IL36A: variants seen among roughly 807,000 people sequenced by gnomAD.
IL36A encodes the protein interleukin 36 alpha.
IL36A carries 13 observed loss-of-function variants against 12.7 expected under a neutral mutation model. The ratio of observed to expected loss-of-function variants is 1.02; its 90% CI spans 0.67 to 1.63. The LOEUF (loss-of-function observed/expected upper bound fraction) is 1.63. Among genes scored for constraint, IL36A ranks in the 40% most tolerant of loss-of-function variants. The pLI is 0.00. For synonymous variants in IL36A, 73 were observed against 71.9 expected, an observed-to-expected ratio of 1.01 and a Z score of -0.08; for missense variants, 195 against 192.9, an observed-to-expected ratio of 1.01 and a Z score of -0.07.
downstream of IL36A, chr2:113,008,165 A>G: frequency 1.2e-6 from 1 of 803,868 alleles, no homozygotes; most frequent in Non-Finnish European, 2.1e-6. Context: ...GCTGCCTCCC[A>G]ATATATTCAT....
downstream of IL36A, among the ~76,000 whole-genome samples, chr2:113,010,733 A>G (rs1442086271): frequency 6.6e-6 from 1 of 152,194 alleles, no homozygotes; most frequent in Non-Finnish European, 1.5e-5. Context: ...TATGGCTTAA[A>G]ATGAGATATA....
chr2:113,005,924 A>G (rs1343260615), intron 1 of IL36A, 43 bp downstream of exon 1: 1 of 1,613,000 alleles, frequency 6.2e-7, no homozygotes, highest in Non-Finnish European at 8.5e-7. Flanking sequence ...CAAGGGGGTG[A>G]TATTCTGTGC....
chr2:113,010,242 C>T (rs1684708435), downstream of IL36A, among the ~76,000 whole-genome samples: 1 of 152,220 alleles, frequency 6.6e-6, no homozygotes, highest in Admixed American at 6.5e-5. Flanking sequence ...CCAACCTCCT[C>T]ATCCCATCCT....
chr2:113,007,977 C>T lies in IL36A; in HGVS notation c.410C>T (p.Pro137Leu). Reference sequence around the variant, plus strand: ...GCTGTCAGCTCTGAAGGAGGCTGTCCTCTCATCCTTACCCAAGAACTGGGG... The same window carrying T: ...GCTGTCAGCTCTGAAGGAGGCTGTCTTCTCATCCTTACCCAAGAACTGGGG... ...FIAVSSEGGC[P>L]LILTQELGKA... Residue 137 changes from proline (P) to leucine (L), a missense_variant, in exon 4 of 4, where the codon CCT becomes CTT. Transcript: ENST00000259211. The T allele has an allele frequency of 6.2e-7, 1 of 1,614,234 alleles. No individual in the cohort carries two copies. Among genetic ancestry groups the T allele is most frequent in the Non-Finnish European group, 8.5e-7 (1 of 1,180,046 alleles).
At chr2:113,010,277 G>A (rs1257375985), downstream of IL36A, among the ~76,000 whole-genome samples, 1 of 152,216 alleles carries the variant, frequency 6.6e-6, no homozygotes, top group Admixed American at 6.5e-5. Context: ...TTCAGCATTT[G>A]AGTGACCACA....
At chr2:113,008,817 T>TA (rs781225712), downstream of IL36A, among the ~76,000 whole-genome samples, 17 of 124,784 alleles carry the variant, frequency 1.4e-4, no homozygotes, top group African/African-American at 3.9e-4. Flanking sequence ...TTTTTTTTTT[T>TA]AAAAATTTTA....
intron 3 of IL36A, among the ~76,000 whole-genome samples, chr2:113,007,219 G>C (rs745484368): frequency 6.6e-6 from 1 of 152,264 alleles, no homozygotes; most frequent in South Asian, 2.1e-4. Flanking sequence ...ACAAGCATAA[G>C]CAGACACTCA....
At chr2:113,008,883 A>G (rs529899424), downstream of IL36A, among the ~76,000 whole-genome samples, 279 of 151,372 alleles carry the variant, frequency 1.8e-3, 3 homozygotes, top group African/African-American at 6.2e-3. Flanking sequence ...GGTTGGTTAC[A>G]TATGCATACA....
intron 2 of IL36A, 147 bp downstream of exon 2, chr2:113,006,234 C>T (rs1303381505): frequency 1.5e-6 from 1 of 666,744 alleles, no homozygotes; most frequent in Non-Finnish European, 2.7e-6. Flanking sequence ...AGAGGGTGAG[C>T]ATAAGGTTGT....
Position 113,005,533 on chromosome 2 carries a change from G to GTGGC in IL36A, c.-338_-335dup. ...GGGTCCTTCGTAACAGATTATCAGT[G>GTGGC]TGGCCTATGCTGGAAAGTCTGGTGA... On this transcript the variant is annotated 5_prime_UTR_variant, in exon 1 of 4. Coordinates refer to ENST00000259211, the MANE Select transcript of IL36A (RefSeq NM_014440.3). 1 of 441,142 alleles carries GTGGC rather than the reference G, an allele frequency of 2.3e-6. No individual in the cohort carries two copies. Among genetic ancestry groups the GTGGC allele is most frequent in the East Asian group, 4.2e-5 (1 of 23,708 alleles). The allele number at this position is 441,142 out of a possible 1,614,324, so 27.3% of individuals were successfully genotyped here. A position where few individuals can be genotyped will look rare whatever the true frequency, so the allele number is the denominator to read the frequency against.
At position 113,007,855 on chromosome 2, in the gene IL36A, C is replaced by A. The variant is rs1684655970; in HGVS notation, c.288C>A (p.Tyr96Ter). Reference protein sequence around the residue: ...QLKEKDIMDLYNQPEPVKSFL... With the variant: ...QLKEKDIMDL ...AGGAAAAGGATATAATGGATTTGTA[C>A]AACCAACCCGAGCCTGTGAAGTCCT... is the stretch of plus-strand genomic sequence containing the variant. The change falls in exon 4 of 4, where the codon TAC (tyrosine) becomes TAA (stop). Residue 96 changes from tyrosine to a stop codon, truncating the protein, a stop_gained. Coordinates refer to ENST00000259211, the MANE Select transcript of IL36A (RefSeq NM_014440.3). LOFTEE classifies it low-confidence loss of function (END_TRUNC). The A allele has an allele frequency of 6.2e-7, 1 of 1,614,078 alleles. No individual in the cohort carries two copies. Among genetic ancestry groups the A allele is most frequent in the South Asian group, 1.1e-5 (1 of 91,080 alleles).
At chr2:113,006,486 C>T in intron 2 of IL36A, 112 bp from the exon 3 acceptor site, 1 of 1,184,188 alleles carries the variant, frequency 8.4e-7, no homozygotes, top group Non-Finnish European at 1.2e-6. Context: ...GTGAGGTGAC[C>T]ATTCTATGAG....
chr2:113,008,076 C>A, downstream of IL36A: 1 of 1,547,598 alleles, frequency 6.5e-7, no homozygotes, highest in African/African-American at 1.4e-5. Context: ...AGTCTCCATG[C>A]AGGGAAAATC....
chr2:113,007,452 TG>T, intron 3 of IL36A, among the ~76,000 whole-genome samples: 1 of 152,334 alleles, frequency 6.6e-6, no homozygotes, highest in East Asian at 1.9e-4. Context: ...TCAATAGTGC[TG>T]AAGGTGCAGA....
chr2:113,006,175 T>G (rs1684616961), intron 2 of IL36A, 88 bp downstream of exon 2: 1 of 834,794 alleles, frequency 1.2e-6, no homozygotes, highest in Non-Finnish European at 2.1e-6. Flanking sequence ...AGTGGGCTTG[T>G]TAACCGGGCA....
rs774759023 is a variant in IL36A at position 113,006,071 on chromosome 2, G to A, written c.108G>A (p.Lys36=). The A allele has an allele frequency of 1.2e-5, 19 of 1,612,062 alleles. No homozygotes were observed. The highest frequency in any genetic ancestry group is 5.0e-5 in the Admixed American group (3 of 60,020). The change falls in exon 2 of 4, where the codon AAG becomes AAA. Residue 36 remains lysine (K), a synonymous_variant. Transcript: ENST00000259211. ...QDQTLIAVPR[K]DRMSPVTIAL... The stretch of plus-strand genomic sequence containing the variant: ...AGACGCTCATAGCAGTCCCGAGGAA[G>A]GACCGTATGTCTCCAGGTGAGTAGC...
At chr2:113,010,879 C>G (rs1339543736), downstream of IL36A, among the ~76,000 whole-genome samples, 1 of 152,110 alleles carries the variant, frequency 6.6e-6, no homozygotes, top group African/African-American at 2.4e-5. Context: ...CTTCATTTCT[C>G]CTTCCCCCAG....
chr2:113,006,545 G>C, intron 2 of IL36A, 53 bp from the exon 3 acceptor site: 1 of 1,607,550 alleles, frequency 6.2e-7, no homozygotes, highest in Non-Finnish European at 8.5e-7. Flanking sequence ...CTGGCTCAGA[G>C]GTACCACCCT....
In IL36A at chr2:113,006,753, A is replaced by T; in HGVS notation, c.264+16A>T. 1 of 1,610,942 alleles carries T rather than the reference A, an allele frequency of 6.2e-7. No individual in the cohort carries two copies. Among genetic ancestry groups the T allele is most frequent in the Non-Finnish European group, 8.5e-7 (1 of 1,178,980 alleles). ...GCAGCTGAAGGTGAGTGTGGAAGACAGGTCCTGCCATTTATTTGATGGAAA... is the reference window on the plus strand; with the variant it reads ...GCAGCTGAAGGTGAGTGTGGAAGACTGGTCCTGCCATTTATTTGATGGAAA... On this transcript the variant is annotated intron_variant, in intron 3 of 3. Coordinates refer to ENST00000259211, the MANE Select transcript of IL36A (RefSeq NM_014440.3).
Sources: gnomAD v4.1 joint callset for allele counts (sites outside exome capture counted in the v4.1 genomes callset) on GRCh38, gnomAD v4.1.1 for gene constraint, MANE v1.5 for transcripts, NCBI Gene and HGNC (gene_info 2026-07-23, HGNC 2026-07-21) for gene names.